Variants in MTR observed in about 807,000 individuals in gnomAD.
The protein encoded by MTR is 5-methyltetrahydrofolate-homocysteine methyltransferase, also known as methionine synthase.
A neutral mutation model predicts 154.8 loss-of-function variants in MTR; 84 were observed. That is an observed-to-expected ratio of 0.54 (90% CI 0.45 to 0.65). The LOEUF is 0.65. MTR is among the 30% of genes least tolerant of loss of function. The probability of loss-of-function intolerance (pLI) is 0.00; values close to 1 mark genes in which losing one functional copy is unlikely to be tolerated. For synonymous variants in MTR, 554 were observed against 553.9 expected, an observed-to-expected ratio of 1.00 and a Z score of 0.00; for missense variants, 1,275 against 1,570.2, an observed-to-expected ratio of 0.81 and a Z score of 3.18.
chr1:236,848,196 C>T (rs1663698274), intron 15 of MTR, among the ~76,000 whole-genome samples: 1 of 151,114 alleles, frequency 6.6e-6, no homozygotes, highest in South Asian at 2.1e-4. Flanking sequence ...GAGGATGCAC[C>T]TGCTTGTCCC....
intron 5 of MTR, among the ~76,000 whole-genome samples, chr1:236,812,488 ACTC>A (rs1157036594): frequency 2.0e-5 from 3 of 151,698 alleles, no homozygotes; most frequent in South Asian, 4.2e-4. Flanking sequence ...CTTCCCTCTC[ACTC>A]CTCAGCTCAT....
chr1:236,860,735 CCTT>C, intron 19 of MTR, among the ~76,000 whole-genome samples: 1 of 152,198 alleles, frequency 6.6e-6, no homozygotes, highest in Admixed American at 6.5e-5. Context: ...ACTTATTAGT[CCTT>C]CTCTGTTAGC....
intron 28 of MTR, 103 bp downstream of exon 28, chr1:236,889,439 G>C (rs1234996503): frequency 1.3e-6 from 2 of 1,500,700 alleles, no homozygotes; most frequent in Non-Finnish European, 1.8e-6. Context: ...GGATTGTGCA[G>C]ATTACGGCTG....
In MTR at chr1:236,902,499, T is replaced by G. The variant is rs1176497078; in HGVS notation, c.*4855T>G. On this transcript the variant is annotated 3_prime_UTR_variant, in exon 33 of 33. Transcript: ENST00000366577. Reference sequence around the variant, plus strand: ...ATAGTGCTTGCTTTATGATAGGTGCTCAGTAAAGGTTGTCTTGAATTGAGC... The same window carrying G: ...ATAGTGCTTGCTTTATGATAGGTGCGCAGTAAAGGTTGTCTTGAATTGAGC... 1.3e-5 allele frequency: 2 copies of G among 152,230 alleles called. No homozygotes were observed. Among genetic ancestry groups the G allele is most frequent in the East Asian group, 3.9e-4 (2 of 5,192 alleles). The allele number at this position is 152,230 out of a possible 1,614,324, so 9.4% of individuals were successfully genotyped here.
At chr1:236,798,409 A>G (rs1558267080) in intron 1 of MTR, among the ~76,000 whole-genome samples, 2 of 152,204 alleles carry the variant, frequency 1.3e-5, no homozygotes, top group African/African-American at 4.8e-5. Flanking sequence ...GGCTTTAACC[A>G]CTTATACCTA....
intron 8 of MTR, among the ~76,000 whole-genome samples, chr1:236,821,062 C>T (rs1007026886): frequency 2.0e-5 from 3 of 152,158 alleles, no homozygotes; most frequent in Non-Finnish European, 2.9e-5. Flanking sequence ...TACTTTCTAT[C>T]GCTATAACAG....
chr1:236,895,335 T>G, intron 30 of MTR, 23 bp from the exon 31 acceptor site: 1 of 1,578,168 alleles, frequency 6.3e-7, no homozygotes, highest in East Asian at 2.3e-5. Flanking sequence ...TGCCTAAGCA[T>G]GCCTGCTGCT....
At position 236,863,477 on chromosome 1, in the gene MTR, G is replaced by C; in HGVS notation, c.2328G>C (p.Val776=). 1.2e-6 allele frequency: 2 copies of C among 1,614,050 alleles called. No individual in the cohort carries two copies. The highest frequency in any genetic ancestry group is 1.7e-6 in the Non-Finnish European group (2 of 1,179,974). Residue 776 remains valine, a synonymous_variant, in exon 22 of 33, where the codon GTG becomes GTC. Transcript: ENST00000366577. Reference sequence around the variant, plus strand: ...AGGACCCTTACCAGGGCACCATCGTGCTGGCCACTGTTAAAGGCGACGTGC... The same window carrying C: ...AGGACCCTTACCAGGGCACCATCGTCCTGGCCACTGTTAAAGGCGACGTGC... The part of the protein sequence containing the change: ...EEEDPYQGTI[V]LATVKGDVHD...
In MTR at chr1:236,813,253, C is replaced by G. The variant is rs781180426; in HGVS notation, c.609+409C>G. The stretch of plus-strand genomic sequence containing the variant: ...ACCAGTTTGGGGGTCCTGACAGATG[C>G]GATACAGATATAGGCATGTGTGTAT... On this transcript the variant is annotated intron_variant, in intron 6 of 32. Transcript: ENST00000366577. Among the ~76,000 whole-genome samples, 11 of 152,144 alleles carry G rather than the reference C, an allele frequency of 7.2e-5. No homozygotes were observed. In the South Asian group the frequency reaches 2.3e-3, roughly 32 times the overall value.
chr1:236,841,890 ACT>A (rs1663257787), intron 15 of MTR, among the ~76,000 whole-genome samples: 1 of 143,476 alleles, frequency 7.0e-6, no homozygotes, highest in Admixed American at 6.9e-5. Flanking sequence ...TGCTATTCTA[ACT>A]CTTTTTTTTT....
chr1:236,856,408 T>G (rs1400816447), intron 18 of MTR, among the ~76,000 whole-genome samples: 1 of 152,108 alleles, frequency 6.6e-6, no homozygotes, highest in Non-Finnish European at 1.5e-5. Context: ...CAGTTACCAC[T>G]TTGGCCCTAA....
At chr1:236,809,373 C>G (rs1056193595) in intron 4 of MTR, among the ~76,000 whole-genome samples, 3 of 152,184 alleles carry the variant, frequency 2.0e-5, no homozygotes, top group Non-Finnish European at 4.4e-5. Flanking sequence ...ACTTGGGCAC[C>G]AGCTGGTAGG....
At chr1:236,822,312 G>GTTTTTTTTTTTTTTTTTTTTTTTT (rs199660325) in intron 8 of MTR, among the ~76,000 whole-genome samples, 1 of 124,938 alleles carries the variant, frequency 8.0e-6, no homozygotes, top group Non-Finnish European at 1.6e-5. Context: ...GGTTTTTTTT[G>GTTTTTTTTTTTTTTTTTTTTTTTT]TTTTTTTTTT....
rs765341768 is a variant in MTR, at chr1:236,852,562, C to T, written c.1737C>T (p.Asn579=). 1 of 1,614,026 alleles carries T rather than the reference C, an allele frequency of 6.2e-7. No homozygotes were observed. The highest frequency in any genetic ancestry group is 2.2e-5 in the East Asian group (1 of 44,866). Residue 579 remains asparagine (N), a synonymous_variant, in exon 17 of 33, where the codon AAC becomes AAT. Transcript: ENST00000366577. The part of the protein sequence containing the change: ...PGARISGGLS[N]LSFSFRGMEA... ...CCAGAATAAGTGGAGGTCTTTCCAA[C>T]TTGTCCTTCTCCTTCCGAGGAATGG...
chr1:236,839,684 A>G (rs182219581), intron 15 of MTR, among the ~76,000 whole-genome samples: 2 of 152,186 alleles, frequency 1.3e-5, no homozygotes, highest in African/African-American at 4.8e-5. Flanking sequence ...TAAAAAATCT[A>G]TTTCTTATGA....
chr1:236,816,451 T>A lies in MTR; in HGVS notation c.672T>A (p.Ile224=). 1 of 1,613,984 alleles carries A rather than the reference T, an allele frequency of 6.2e-7. No individual in the cohort carries two copies. The highest frequency in any genetic ancestry group is 1.1e-5 in the South Asian group (1 of 91,084). The change falls in exon 8 of 33, where the codon ATT becomes ATA. Residue 224 remains isoleucine, a splice_region_variant and synonymous_variant. Coordinates refer to ENST00000366577, the MANE Select transcript of MTR (RefSeq NM_000254.3). ...EEKYAPRPIF[I]SGTIVDKSGR... Reference sequence around the variant, plus strand: ...CTTTGTTTACTTTGTCAATTCAGATTTCAGGGACGATCGTTGATAAAAGTG... The same window carrying A: ...CTTTGTTTACTTTGTCAATTCAGATATCAGGGACGATCGTTGATAAAAGTG...
chr1:236,817,407 G>A (rs1661660390), intron 8 of MTR, among the ~76,000 whole-genome samples: 1 of 152,020 alleles, frequency 6.6e-6, no homozygotes, highest in African/African-American at 2.4e-5. Context: ...TCTCTCACTA[G>A]CGCAGGTCGA....
chr1:236,888,358 C>T (rs1666134004), intron 27 of MTR, among the ~76,000 whole-genome samples: 1 of 152,168 alleles, frequency 6.6e-6, no homozygotes, highest in African/African-American at 2.4e-5. Context: ...TCTACCTGCC[C>T]CAGAAAGCCC....
At chr1:236,812,678 C>A in intron 5 of MTR, 60 bp from the exon 6 acceptor site, 1 of 1,349,138 alleles carries the variant, frequency 7.4e-7, no homozygotes, top group Non-Finnish European at 1.1e-6. Flanking sequence ...CTCGAGATAC[C>A]CTAGGGCCAT....
Sources: allele counts gnomAD v4.1 joint callset (sites outside exome capture counted in the v4.1 genomes callset), GRCh38; gene constraint gnomAD v4.1.1; transcripts MANE v1.5; gene names NCBI Gene and HGNC (gene_info 2026-07-23, HGNC 2026-07-21).